RAB7A: variants seen among roughly 807,000 people sequenced by gnomAD.
RAB7A encodes RAB7A, member RAS oncogene family.
A neutral mutation model predicts 24.5 loss-of-function variants in RAB7A; 2 were observed. The observed-to-expected ratio is 0.08, with a 90% CI of 0.03 to 0.26. The LOEUF (loss-of-function observed/expected upper bound fraction) is 0.26. RAB7A is among the 10% of genes least tolerant of loss of function. The pLI is 1.00. For missense variants in RAB7A, 118 were observed against 255.7 expected, an observed-to-expected ratio of 0.46 and a Z score of 3.67; for synonymous variants, 100 against 95.9, an observed-to-expected ratio of 1.04 and a Z score of -0.25.
At chr3:128,792,117 A>G (rs1423683306) in intron 1 of RAB7A, among the ~76,000 whole-genome samples, 1 of 152,246 alleles carries the variant, frequency 6.6e-6, no homozygotes, top group East Asian at 1.9e-4. Context: ...TCAGAGGAAT[A>G]TTAGACATTA....
At chr3:128,747,384 C>T (rs1280049806) in intron 1 of RAB7A, among the ~76,000 whole-genome samples, 3 of 151,552 alleles carry the variant, frequency 2.0e-5, no homozygotes, top group African/African-American at 7.3e-5. Flanking sequence ...GTCAGGAGTT[C>T]AAGACCAGCC....
intron 3 of RAB7A, among the ~76,000 whole-genome samples, chr3:128,802,222 T>C (rs1049064206): frequency 2.6e-5 from 4 of 152,360 alleles, no homozygotes; most frequent in Admixed American, 2.0e-4. Flanking sequence ...CTGTGTAATC[T>C]AATGTGTAGG....
At chr3:128,798,820 TTAAAAAAAAAA>T (rs1182868833) in intron 3 of RAB7A, 6 of 167,890 alleles carry the variant, frequency 3.6e-5, no homozygotes, top group South Asian at 2.4e-4. Context: ...GTCTCTAAAT[TTAAAAAAAAAA>T]AAAAAAAAAA....
intron 2 of RAB7A, among the ~76,000 whole-genome samples, chr3:128,796,727 A>G (rs770293967): frequency 1.1e-4 from 16 of 152,088 alleles, no homozygotes; most frequent in African/African-American, 2.4e-4. Flanking sequence ...GAATGGTGCA[A>G]TCACAGCTCA....
intron 1 of RAB7A, among the ~76,000 whole-genome samples, chr3:128,769,130 G>GT (rs1371753939): frequency 6.6e-6 from 1 of 151,496 alleles, no homozygotes; most frequent in Non-Finnish European, 1.5e-5. Context: ...CTGGGCTCAA[G>GT]TGATTTGCCT....
At chr3:128,735,932 T>G (rs2070486438) in intron 1 of RAB7A, among the ~76,000 whole-genome samples, 1 of 152,230 alleles carries the variant, frequency 6.6e-6, no homozygotes, top group East Asian at 1.9e-4. Flanking sequence ...TCAGAAAGCT[T>G]GATGACAGTG....
At position 128,813,601 on chromosome 3, in the gene RAB7A, A is replaced by C; in HGVS notation, c.*179A>C. 1.8e-6 allele frequency: 1 copy of C among 565,368 alleles called. No homozygotes were observed. Among genetic ancestry groups the C allele is most frequent in the Non-Finnish European group, 3.4e-6 (1 of 297,486 alleles). 35.0% of individuals were successfully genotyped at this position (565,368 alleles called of 1,614,324 possible). On this transcript the variant is annotated 3_prime_UTR_variant, in exon 6 of 6. Transcript: ENST00000265062. ...ACATATCTCTCACACACACACACAC[A>C]CGCACACACACACACACAGATCTGA... is the stretch of plus-strand genomic sequence containing the variant.
intron 1 of RAB7A, among the ~76,000 whole-genome samples, chr3:128,772,503 T>C (rs1484515650): frequency 6.6e-6 from 1 of 152,220 alleles, no homozygotes; most frequent in Non-Finnish European, 1.5e-5. Context: ...TCCTAACATG[T>C]CCTAATAGTT....
Position 128,806,608 on chromosome 3 carries a change from T to C in RAB7A, c.399+18T>C, listed in dbSNP as rs538636596. Reference sequence around the variant, plus strand: ...ACAGACAAGTAAGTACCAACGATGATAGATATTGTCACAGACACCTGCTCC... The same window carrying C: ...ACAGACAAGTAAGTACCAACGATGACAGATATTGTCACAGACACCTGCTCC... On this transcript the variant is annotated intron_variant, in intron 4 of 5. Coordinates refer to ENST00000265062, the MANE Select transcript of RAB7A (RefSeq NM_004637.6). 1 of 1,603,928 alleles carries C rather than the reference T, an allele frequency of 6.2e-7. No homozygotes were observed. The highest frequency in any genetic ancestry group is 1.1e-5 in the South Asian group (1 of 90,764).
At chr3:128,751,797 A>G (rs1313928345) in intron 1 of RAB7A, among the ~76,000 whole-genome samples, 3 of 152,208 alleles carry the variant, frequency 2.0e-5, no homozygotes, top group African/African-American at 4.8e-5. Flanking sequence ...GTCCCCATCC[A>G]TATCTCATCT....
chr3:128,743,285 G>A (rs1160290488), intron 1 of RAB7A, among the ~76,000 whole-genome samples: 2 of 152,198 alleles, frequency 1.3e-5, no homozygotes, highest in Non-Finnish European at 2.9e-5. Flanking sequence ...CGCAGCCCCA[G>A]TTTCCCGCCC....
chr3:128,740,737 A>AG, intron 1 of RAB7A, among the ~76,000 whole-genome samples: 1 of 149,000 alleles, frequency 6.7e-6, no homozygotes, highest in East Asian at 2.0e-4. Flanking sequence ...CTTTACAAAA[A>AG]GTTAAAAAAA....
intron 1 of RAB7A, among the ~76,000 whole-genome samples, chr3:128,741,479 T>C (rs1427097982): frequency 1.3e-5 from 2 of 152,192 alleles, no homozygotes; most frequent in African/African-American, 4.8e-5. Context: ...TCTTTTCTCT[T>C]TGACTAGAAA....
At chr3:128,760,816 A>C (rs981125513) in intron 1 of RAB7A, among the ~76,000 whole-genome samples, 1 of 152,222 alleles carries the variant, frequency 6.6e-6, no homozygotes, top group African/African-American at 2.4e-5. Flanking sequence ...TTGTAGGGGA[A>C]CCTAGGCAAA....
chr3:128,807,395 C>T, intron 4 of RAB7A, 148 bp from the exon 5 acceptor site: 2 of 1,167,828 alleles, frequency 1.7e-6, no homozygotes, highest in South Asian at 1.3e-5. Flanking sequence ...GACGGGTCTG[C>T]AGGTCTCCTC....
chr3:128,745,163 C>T (rs566455058), intron 1 of RAB7A, among the ~76,000 whole-genome samples: 4 of 152,058 alleles, frequency 2.6e-5, no homozygotes, highest in South Asian at 2.1e-4. Flanking sequence ...CGTGAGCTGC[C>T]GCGCCCGGCT....
chr3:128,806,278 C>A, intron 3 of RAB7A, 94 bp from the exon 4 acceptor site: 1 of 1,181,984 alleles, frequency 8.5e-7, no homozygotes, highest in Non-Finnish European at 1.2e-6. Context: ...GGTGGCCCCA[C>A]AATCTAGCCT....
intron 3 of RAB7A, 97 bp from the exon 4 acceptor site, chr3:128,806,275 C>T: frequency 8.7e-7 from 1 of 1,152,472 alleles, no homozygotes; most frequent in South Asian, 1.5e-5. Flanking sequence ...GTGGGTGGCC[C>T]CACAATCTAG....
chr3:128,787,274 C>G (rs1484744329), intron 1 of RAB7A, among the ~76,000 whole-genome samples: 1 of 152,236 alleles, frequency 6.6e-6, no homozygotes, highest in African/African-American at 2.4e-5. Context: ...ACTGTCATGG[C>G]TTTGTTGAAC....
Sources: allele counts gnomAD v4.1 joint callset (sites outside exome capture counted in the v4.1 genomes callset), GRCh38; gene constraint gnomAD v4.1.1; transcripts MANE v1.5; gene names NCBI Gene and HGNC (gene_info 2026-07-23, HGNC 2026-07-21).